The following NALF2 variants were observed in gnomAD, a reference collection of about 807,000 sequenced individuals.
NALF2 encodes the protein bB57D9.1 (TED protein).
In NALF2, 1 loss-of-function variant was observed where a neutral mutation model predicts 24.8. The observed-to-expected ratio is 0.04, with a 90% CI of 0.01 to 0.19. The LOEUF is 0.19. Among genes scored for constraint, NALF2 ranks in the 10% least tolerant of loss-of-function variants. The pLI, the probability that NALF2 is intolerant of heterozygous loss-of-function variation, is 1.00. For missense variants in NALF2, 458 were observed against 409.6 expected (o/e 1.12, Z -1.02); for synonymous variants, 254 against 189.8 (o/e 1.34, Z -2.78).
chrX:69,516,411 A>G lies in NALF2; in HGVS notation c.861+10268A>G, dbSNP rs189087404. Among the ~76,000 whole-genome samples the G allele has an allele frequency of 3.2e-3, 362 of 112,290 alleles. 1 individual carries two copies. Among genetic ancestry groups the G allele is most frequent in the African/African-American group, 0.011 (337 of 30,894 alleles). On this transcript the variant is annotated intron_variant, in intron 1 of 2. Coordinates refer to ENST00000252338, the MANE Select transcript of NALF2 (RefSeq NM_015686.3). ...TTCACACAGTTGGTGGCAGAGCCAG[A>G]ATCTGAAGCCAGCTCTAACTCTCTA...
rs746505352 is a variant in NALF2, at chrX:69,520,260, C to T, written c.862-8733C>T. ...GTTACTTCTTTCTCATGATACGTGT[C>T]TGAAACAGGTCATCAGGGAACATCT... On this transcript the variant is annotated intron_variant, in intron 1 of 2. Coordinates refer to ENST00000252338, the MANE Select transcript of NALF2 (RefSeq NM_015686.3). Among the ~76,000 whole-genome samples, 4 of 112,216 alleles carry T rather than the reference C, an allele frequency of 3.6e-5. No homozygotes were observed. In the South Asian group the frequency reaches 1.5e-3, roughly 42 times the overall value.
intron 1 of NALF2, among the ~76,000 whole-genome samples, chrX:69,528,694 G>T (rs889799653): frequency 3.6e-5 from 4 of 112,363 alleles, no homozygotes; most frequent in Non-Finnish European, 7.5e-5. Flanking sequence ...TGCATGGAAT[G>T]ATTGGCAAGG....
chrX:69,529,743 C>T lies in NALF2; in HGVS notation c.1206C>T (p.His402=). 8.3e-7 allele frequency: 1 copy of T among 1,210,856 alleles called. No homozygotes were observed. Among genetic ancestry groups the T allele is most frequent in the Middle Eastern group, 2.3e-4 (1 of 4,356 alleles). The change falls in exon 3 of 3, where the codon CAC becomes CAT. Residue 402 remains histidine (H), a synonymous_variant. Coordinates refer to ENST00000252338, the MANE Select transcript of NALF2 (RefSeq NM_015686.3). ...ACCACCAACAGTACCATCACTACCACCCCCATCATGATCCCCCAGGCCGTG... is the reference window on the plus strand; with the variant it reads ...ACCACCAACAGTACCATCACTACCATCCCCATCATGATCCCCCAGGCCGTG... ...HHYHQQYHHY[H]PHHDPPGRVS... is the part of the protein sequence containing the mutation.
intron 1 of NALF2, among the ~76,000 whole-genome samples, chrX:69,507,568 G>C (rs1396031170): frequency 9.0e-6 from 1 of 111,367 alleles, no homozygotes; most frequent in Non-Finnish European, 1.9e-5. Context: ...GGCATGCAGA[G>C]AGGTCGTCAC....
chrX:69,510,442 T>C (rs914340294), intron 1 of NALF2, among the ~76,000 whole-genome samples: 2 of 112,500 alleles, frequency 1.8e-5, no homozygotes, highest in Non-Finnish European at 3.8e-5. Flanking sequence ...GACTCCTTGC[T>C]AACACTGGGT....
intron 1 of NALF2, among the ~76,000 whole-genome samples, chrX:69,528,627 A>G (rs1930843753): frequency 8.9e-6 from 1 of 112,525 alleles, no homozygotes; most frequent in Admixed American, 9.4e-5. Context: ...CTCATTATAT[A>G]TAGGTAGTCT....
chrX:69,505,310 G>T lies in NALF2; in HGVS notation c.28G>T (p.Gly10Trp). Residue 10 changes from glycine to tryptophan, a missense_variant, in exon 1 of 3, where the codon GGG becomes TGG. By Grantham distance (184) the Gly-to-Trp change is radical. Coordinates refer to ENST00000252338, the MANE Select transcript of NALF2 (RefSeq NM_015686.3). The stretch of plus-strand genomic sequence containing the variant: ...GTTCAGGGGCGCTTGGATGTGGCCC[G>T]GGAAAGACGCCGCCGCGCTGACTAT... MFRGAWMWP[G>W]KDAAALTICC... 4 of 1,156,237 alleles carry T rather than the reference G, an allele frequency of 3.5e-6. No homozygotes were observed. The highest frequency in any genetic ancestry group is 2.6e-5 in the Admixed American group (1 of 37,822).
At chrX:69,513,378 A>G (rs1930612932) in intron 1 of NALF2, among the ~76,000 whole-genome samples, 1 of 112,353 alleles carries the variant, frequency 8.9e-6, no homozygotes, top group Non-Finnish European at 1.9e-5. Context: ...GTTCCCATGC[A>G]AGGGTTTTGG....
At position 69,530,385 on chromosome X, in the gene NALF2, G is replaced by T; in HGVS notation, c.*429G>T. The T allele has an allele frequency of 7.4e-6, 1 of 135,693 alleles. No homozygotes were observed. The highest frequency in any genetic ancestry group is 1.5e-5 in the Non-Finnish European group (1 of 68,018). The allele number at this position is 135,693 out of a possible 1,213,427, so 11.2% of individuals were successfully genotyped here. On this transcript the variant is annotated 3_prime_UTR_variant, in exon 3 of 3. Transcript: ENST00000252338. ...CACTCCACATTCCTTTTGTTGCCAA[G>T]ATCCTTAATTCCCTCCTGCCCATAT...
chrX:69,528,815 G>T (rs1292063990), intron 1 of NALF2, among the ~76,000 whole-genome samples, 178 bp from the exon 2 acceptor site: 1 of 111,983 alleles, frequency 8.9e-6, no homozygotes, highest in Non-Finnish European at 1.9e-5. Context: ...TATGAAATCG[G>T]AGATCTTAGG....
At chrX:69,508,242 G>C (rs180932301) in intron 1 of NALF2, among the ~76,000 whole-genome samples, 20 of 111,507 alleles carry the variant, frequency 1.8e-4, no homozygotes, top group Admixed American at 9.5e-4. Flanking sequence ...CGCCCCTCTC[G>C]TGTGTGTTAT....
In NALF2 at chrX:69,505,135, C is replaced by A. The variant is rs1828127434; in HGVS notation, c.-148C>A. The A allele has an allele frequency of 8.8e-6, 4 of 454,461 alleles. No individual in the cohort carries two copies. The highest frequency in any genetic ancestry group is 5.0e-5 in the East Asian group (1 of 20,053). The allele number at this position is 454,461 out of a possible 1,213,427, so 37.5% of individuals were successfully genotyped here. A position where few individuals can be genotyped will look rare whatever the true frequency, so the allele number is the denominator to read the frequency against. ...CGCGACTCCGGCCTGAGCGGGGCAT[C>A]GCGCCGGCCGGCCTGCCTCACCATG... On this transcript the variant is annotated 5_prime_UTR_variant, in exon 1 of 3. Coordinates refer to ENST00000252338, the MANE Select transcript of NALF2 (RefSeq NM_015686.3).
Position 69,505,636 on chromosome X carries a change from C to T in NALF2, c.354C>T (p.Tyr118=). 8.4e-7 allele frequency: 1 copy of T among 1,193,255 alleles called. No individual in the cohort carries two copies. Among genetic ancestry groups the T allele is most frequent in the Non-Finnish European group, 1.1e-6 (1 of 891,180 alleles). ...SAPPGTCGPR[Y]SNLTKAAPAA... ...CCCCAGGCACCTGCGGCCCCAGATA[C>T]AGCAACCTGACCAAAGCCGCCCCCG... is the stretch of plus-strand genomic sequence containing the variant. The change falls in exon 1 of 3, where the codon TAC becomes TAT. Residue 118 remains tyrosine, a synonymous_variant. Transcript: ENST00000252338.
intron 1 of NALF2, among the ~76,000 whole-genome samples, chrX:69,525,418 G>C (rs1930793120): frequency 9.0e-6 from 1 of 111,666 alleles, no homozygotes; most frequent in Non-Finnish European, 1.9e-5. Flanking sequence ...GGGCTCAAAA[G>C]ATGGAGGGAA....
Position 69,505,957 on chromosome X carries a change from G to T in NALF2, c.675G>T (p.Met225Ile). 8.3e-7 allele frequency: 1 copy of T among 1,212,005 alleles called. No individual in the cohort carries two copies. The highest frequency in any genetic ancestry group is 1.1e-6 in the Non-Finnish European group (1 of 895,509). The change falls in exon 1 of 3, where the codon ATG becomes ATT. Residue 225 changes from methionine to isoleucine, a missense_variant. By Grantham distance (10) the Met-to-Ile change is conservative. Transcript: ENST00000252338. The stretch of plus-strand genomic sequence containing the variant: ...TGGACTGTAGCCTGGACACCCTGAT[G>T]GGGGACCTGCTGGCCGTGGTGGCCA... Reference protein sequence around the residue: ...DSLDCSLDTLMGDLLAVVASP... With the variant: ...DSLDCSLDTLIGDLLAVVASP...
At chrX:69,522,023 C>G (rs1027941830) in intron 1 of NALF2, among the ~76,000 whole-genome samples, 3 of 111,949 alleles carry the variant, frequency 2.7e-5, no homozygotes, top group African/African-American at 9.8e-5. Context: ...TTCCATATGG[C>G]ACCAGTAGAG....
chrX:69,525,705 A>G (rs988032953), intron 1 of NALF2, among the ~76,000 whole-genome samples: 2 of 105,689 alleles, frequency 1.9e-5, no homozygotes, highest in East Asian at 6.0e-4. Flanking sequence ...AACTTCTTTC[A>G]CCCTCACCCC....
chrX:69,504,392 A>C lies in NALF2; in HGVS notation c.-891A>C, dbSNP rs1162263060. ...CCTGCTCCCCGCCAAACACACTTGC[A>C]CAGGGGCTCTCAAGGTGTTCTCCGC... On this transcript the variant is annotated 5_prime_UTR_variant, in exon 1 of 3. Transcript: ENST00000252338. Among the ~76,000 whole-genome samples, 1 of 113,168 alleles carries C rather than the reference A, an allele frequency of 8.8e-6. No homozygotes were observed. Among genetic ancestry groups the C allele is most frequent in the African/African-American group, 3.2e-5 (1 of 31,202 alleles).
At chrX:69,522,493 C>A (rs60291754) in intron 1 of NALF2, among the ~76,000 whole-genome samples, 39,700 of 110,882 alleles carry the variant, frequency 0.36, 5,486 homozygotes, top group Admixed American at 0.53. Context: ...TGGCCATCTC[C>A]CCTGCCTTTC....
Sources: gnomAD v4.1 joint callset for allele counts (sites outside exome capture counted in the v4.1 genomes callset) on GRCh38, gnomAD v4.1.1 for gene constraint, MANE v1.5 for transcripts, NCBI Gene and HGNC (gene_info 2026-07-23, HGNC 2026-07-21) for gene names.